ACCSL: variants seen among roughly 807,000 people sequenced by gnomAD.
ACCSL encodes probable inactive 1-aminocyclopropane-1-carboxylate synthase-like protein 2.
A neutral mutation model predicts 61.7 loss-of-function variants in ACCSL; 55 were observed. The observed-to-expected ratio is 0.89, with a 90% confidence interval of 0.72 to 1.12. ACCSL has a LOEUF of 1.12. Among genes scored for constraint, ACCSL ranks in the 50% most tolerant of loss-of-function variants. The pLI, the probability that ACCSL is intolerant of heterozygous loss-of-function variation, is 0.00. For missense variants in ACCSL, 632 were observed against 698.0 expected, an observed-to-expected ratio of 0.91 and a Z score of 1.07; for synonymous variants, 258 against 264.3, an observed-to-expected ratio of 0.98 and a Z score of 0.23.
the ACCSL span, among the ~76,000 whole-genome samples, chr11:43,962,844 A>G: frequency 0.016 from 2,364 of 152,330 alleles, 63 homozygotes; most frequent in African/African-American, 0.054. Context: ...GTAACTGCTT[A>G]GCGTCACCAG....
At chr11:44,015,533 G>A in the ACCSL span, among the ~76,000 whole-genome samples, 5 of 152,088 alleles carry the variant, frequency 3.3e-5, no homozygotes, top group Non-Finnish European at 5.9e-5. Flanking sequence ...CAGACAAGAC[G>A]CCGGCCCAAG....
chr11:44,035,393 C>T, the ACCSL span, among the ~76,000 whole-genome samples: 1 of 152,070 alleles, frequency 6.6e-6, no homozygotes, highest in South Asian at 2.1e-4. Flanking sequence ...CAACAGGACA[C>T]AGATGTCATT....
the ACCSL span, among the ~76,000 whole-genome samples, chr11:44,004,443 G>T: frequency 1.3e-5 from 2 of 152,012 alleles, no homozygotes; most frequent in African/African-American, 2.4e-5. Flanking sequence ...AGCTCCAGTT[G>T]CTCCCTACCC....
chr11:43,932,729 A>G, the ACCSL span, among the ~76,000 whole-genome samples: 2 of 152,170 alleles, frequency 1.3e-5, no homozygotes, highest in Admixed American at 6.5e-5. Flanking sequence ...TTGGTGCCCA[A>G]CCACAGTAGT....
At chr11:43,978,330 G>A in the ACCSL span, among the ~76,000 whole-genome samples, 1 of 152,088 alleles carries the variant, frequency 6.6e-6, no homozygotes, top group South Asian at 2.1e-4. Context: ...TCTTGCTCAA[G>A]CTGATCAAGG....
At chr11:43,982,232 T>A in the ACCSL span, among the ~76,000 whole-genome samples, 1 of 102,706 alleles carries the variant, frequency 9.7e-6, no homozygotes, top group African/African-American at 3.9e-5. Flanking sequence ...CCCTCTTTTT[T>A]TTTTTTTTTT....
chr11:43,976,622 C>T, the ACCSL span, among the ~76,000 whole-genome samples: 2 of 152,136 alleles, frequency 1.3e-5, no homozygotes, highest in African/African-American at 4.8e-5. Context: ...CCAGTTTCAT[C>T]CTGAAGCTCT....
the ACCSL span, among the ~76,000 whole-genome samples, chr11:43,949,496 A>G: frequency 1.8e-4 from 27 of 152,336 alleles, no homozygotes; most frequent in South Asian, 4.6e-3. Context: ...TTTTATTTCT[A>G]AATCAGATAG....
At chr11:44,016,722 G>A in the ACCSL span, among the ~76,000 whole-genome samples, 1 of 152,124 alleles carries the variant, frequency 6.6e-6, no homozygotes, top group Non-Finnish European at 1.5e-5. Context: ...AAATCCAGCA[G>A]ACAAGTATGT....
At chr11:44,055,433 A>G in intron 9 of ACCSL, 142 bp downstream of exon 9, 1 of 587,192 alleles carries the variant, frequency 1.7e-6, no homozygotes, top group Non-Finnish European at 3.0e-6. Context: ...CAAACAAAGC[A>G]TCATCTTTCC....
the ACCSL span, among the ~76,000 whole-genome samples, chr11:44,036,645 G>T: frequency 1.2e-4 from 18 of 152,180 alleles, no homozygotes; most frequent in East Asian, 2.7e-3. Flanking sequence ...ACCCATGTGT[G>T]GTGGTGCACA....
At chr11:43,993,571 C>A in the ACCSL span, among the ~76,000 whole-genome samples, 2 of 152,192 alleles carry the variant, frequency 1.3e-5, no homozygotes, top group Non-Finnish European at 2.9e-5. Flanking sequence ...TGAAAGGGAT[C>A]TTTGAAAGCC....
At chr11:44,051,280 C>A in intron 3 of ACCSL, 55 bp from the exon 4 acceptor site, 22 of 1,574,456 alleles carry the variant, frequency 1.4e-5, no homozygotes, top group Non-Finnish European at 1.8e-5. Flanking sequence ...CCATCTAGAC[C>A]ATGAGTGAGG....
intron 13 of ACCSL, among the ~76,000 whole-genome samples, chr11:44,059,314 T>A (rs1239414528): frequency 6.6e-6 from 1 of 152,148 alleles, no homozygotes; most frequent in Non-Finnish European, 1.5e-5. Context: ...GCCTAGTAAG[T>A]GAGATGGATA....
chr11:44,051,485 C>A, intron 4 of ACCSL, 81 bp downstream of exon 4: 1 of 1,572,456 alleles, frequency 6.4e-7, no homozygotes, highest in East Asian at 2.2e-5. Context: ...CTAGGGGGTA[C>A]AAGGAGAACC....
chr11:43,934,213 G>A, the ACCSL span, among the ~76,000 whole-genome samples: 4,681 of 152,124 alleles, frequency 0.031, 94 homozygotes, highest in East Asian at 0.095. Context: ...CAAAATTATC[G>A]AAACACTTTT....
At chr11:43,941,589 G>T in the ACCSL span, among the ~76,000 whole-genome samples, 1 of 152,166 alleles carries the variant, frequency 6.6e-6, no homozygotes, top group Non-Finnish European at 1.5e-5. Flanking sequence ...CTGCCCTGTG[G>T]ACCTGCTCTT....
At chr11:44,006,498 G>A in the ACCSL span, among the ~76,000 whole-genome samples, 1 of 116,428 alleles carries the variant, frequency 8.6e-6, no homozygotes, top group African/African-American at 3.2e-5. Context: ...ACCTCTTTGA[G>A]ATTTTTTTTT....
the ACCSL span, among the ~76,000 whole-genome samples, chr11:43,967,247 G>A: frequency 8.1e-6 from 1 of 123,760 alleles, no homozygotes; most frequent in Middle Eastern, 6.3e-3. Context: ...GCGCAATCTT[G>A]GCTCACTGCA....
Sources: allele counts gnomAD v4.1 joint callset (sites outside exome capture counted in the v4.1 genomes callset), GRCh38; gene constraint gnomAD v4.1.1; transcripts MANE v1.5; gene names NCBI Gene and HGNC (gene_info 2026-07-23, HGNC 2026-07-21).